The following ASPH variants were observed in gnomAD, a reference collection of about 807,000 sequenced individuals.
ASPH encodes the protein aspartyl/asparaginyl beta-hydroxylase.
ASPH carries 100 observed loss-of-function variants against 118.4 expected under a neutral mutation model. The ratio of observed to expected loss-of-function variants is 0.84; its 90% CI spans 0.72 to 1.00. The LOEUF is 1.00. Among genes scored for constraint, ASPH ranks in the 50% least tolerant of loss-of-function variants. The probability of loss-of-function intolerance (pLI) is 0.00; values close to 1 mark genes in which losing one functional copy is unlikely to be tolerated. For synonymous variants in ASPH, 315 were observed against 325.6 expected, an observed-to-expected ratio of 0.97 and a Z score of 0.35; for missense variants, 920 against 919.5, an observed-to-expected ratio of 1.00 and a Z score of -0.01.
chr8:61,652,787 T>C (rs1032408515), intron 4 of ASPH, among the ~76,000 whole-genome samples: 2 of 152,130 alleles, frequency 1.3e-5, no homozygotes, highest in African/African-American at 2.4e-5. Flanking sequence ...AGAGAATACA[T>C]TGTCCTAGGA....
chr8:61,626,277 G>T, intron 13 of ASPH: 1 of 1,565,008 alleles, frequency 6.4e-7, no homozygotes, highest in Non-Finnish European at 8.6e-7. Context: ...GAAGCTTTAA[G>T]TATCTGCAAA....
At chr8:61,528,322 T>C (rs1268702446) in intron 21 of ASPH, among the ~76,000 whole-genome samples, 3 of 152,212 alleles carry the variant, frequency 2.0e-5, no homozygotes, top group Non-Finnish European at 4.4e-5. Flanking sequence ...ACCCTAGGAT[T>C]TCGCTGTATG....
chr8:61,703,220 C>T (rs2151879750), intron 1 of ASPH, among the ~76,000 whole-genome samples: 1 of 152,222 alleles, frequency 6.6e-6, no homozygotes, highest in South Asian at 2.1e-4. Flanking sequence ...AATACTTTGC[C>T]ACTAAAATCA....
chr8:61,501,822 T>C lies in ASPH; in HGVS notation c.*1537A>G, dbSNP rs1309045262. 1 of 152,184 alleles carries C rather than the reference T, an allele frequency of 6.6e-6. No homozygotes were observed. Among genetic ancestry groups the C allele is most frequent in the Non-Finnish European group, 1.5e-5 (1 of 68,028 alleles). 9.4% of individuals were successfully genotyped at this position (152,184 alleles called of 1,614,324 possible). A position where few individuals can be genotyped will look rare whatever the true frequency, so the allele number is the denominator to read the frequency against. On this transcript the variant is annotated 3_prime_UTR_variant, in exon 25 of 25. Coordinates refer to ENST00000379454, the MANE Select transcript of ASPH (RefSeq NM_004318.4). Reference sequence around the variant, plus strand: ...TTAAGGTCAAGCAAAAAGGGTCAATTTCAATTTCAAAGAGCTGTTCTTTAA... The same window carrying C: ...TTAAGGTCAAGCAAAAAGGGTCAATCTCAATTTCAAAGAGCTGTTCTTTAA...
intron 3 of ASPH, chr8:61,664,944 G>A (rs149907896): frequency 5.5e-5 from 60 of 1,089,234 alleles, no homozygotes; most frequent in East Asian, 1.1e-4. Flanking sequence ...CTTATTTAAC[G>A]TCAATGAAAG....
At chr8:61,650,960 C>G in intron 5 of ASPH, 90 bp downstream of exon 5, 1 of 1,345,590 alleles carries the variant, frequency 7.4e-7, no homozygotes, top group Non-Finnish European at 1.0e-6. Flanking sequence ...CCCAATTAAC[C>G]TTTAAATTTT....
intron 24 of ASPH, among the ~76,000 whole-genome samples, chr8:61,506,333 G>T (rs1379020993): frequency 6.6e-6 from 1 of 152,144 alleles, no homozygotes; most frequent in African/African-American, 2.4e-5. Flanking sequence ...GGGAGGACGG[G>T]AATGGGAGTT....
chr8:61,624,956 G>A, intron 13 of ASPH: 1 of 984,786 alleles, frequency 1.0e-6, no homozygotes, highest in Non-Finnish European at 1.2e-6. Context: ...ACCCATGCAG[G>A]ACTCACTACA....
At chr8:61,536,063 A>G (rs1333891141) in intron 21 of ASPH, among the ~76,000 whole-genome samples, 1 of 148,124 alleles carries the variant, frequency 6.8e-6, no homozygotes, top group East Asian at 2.0e-4. Flanking sequence ...TTTTGAGACA[A>G]GAGTCTCACT....
chr8:61,689,557 G>C (rs1352930029), intron 1 of ASPH: 1 of 967,322 alleles, frequency 1.0e-6, no homozygotes, highest in Non-Finnish European at 1.5e-6. Context: ...AGAAAATGTA[G>C]ACAGTACAGT....
intron 16 of ASPH, among the ~76,000 whole-genome samples, chr8:61,572,702 T>C (rs948234500): frequency 6.6e-6 from 1 of 152,128 alleles, no homozygotes; most frequent in African/African-American, 2.4e-5. Context: ...TTGTGTACAC[T>C]TGCAATAGCC....
chr8:61,698,389 C>T (rs1384882263), intron 1 of ASPH, among the ~76,000 whole-genome samples: 1 of 152,214 alleles, frequency 6.6e-6, no homozygotes, highest in African/African-American at 2.4e-5. Context: ...TATGGAAAAG[C>T]CTTTAGGCTG....
chr8:61,547,188 T>C (rs570194801), intron 21 of ASPH, among the ~76,000 whole-genome samples: 9 of 152,336 alleles, frequency 5.9e-5, no homozygotes, highest in African/African-American at 1.9e-4. Context: ...TTCTGACCAG[T>C]CCCTACCAAA....
At chr8:61,688,404 G>C (rs573880174) in intron 1 of ASPH, among the ~76,000 whole-genome samples, 1 of 152,188 alleles carries the variant, frequency 6.6e-6, no homozygotes, top group Admixed American at 6.5e-5. Flanking sequence ...AATTACTATG[G>C]CAAGCAACAG....
At chr8:61,580,268 G>T (rs1396623052) in intron 15 of ASPH, among the ~76,000 whole-genome samples, 2 of 152,228 alleles carry the variant, frequency 1.3e-5, no homozygotes, top group African/African-American at 4.8e-5. Context: ...CAGTGCCCCA[G>T]TGGGGACTCT....
At chr8:61,549,480 T>C (rs1825102013) in intron 20 of ASPH, among the ~76,000 whole-genome samples, 1 of 152,226 alleles carries the variant, frequency 6.6e-6, no homozygotes, top group Admixed American at 6.5e-5. Flanking sequence ...ATGATTTTCT[T>C]ATTTAGTTAT....
intron 1 of ASPH, among the ~76,000 whole-genome samples, chr8:61,701,283 G>C (rs959800283): frequency 5.3e-5 from 8 of 152,234 alleles, no homozygotes; most frequent in African/African-American, 1.9e-4. Flanking sequence ...GCAGGAAGGT[G>C]TTGAACATAC....
At chr8:61,683,819 A>G in intron 2 of ASPH, 1 of 451,588 alleles carries the variant, frequency 2.2e-6, no homozygotes, top group South Asian at 6.3e-5. Context: ...CATACAATAT[A>G]AAGCCTTTTT....
chr8:61,610,456 A>T (rs781291875), intron 14 of ASPH, among the ~76,000 whole-genome samples: 9 of 152,228 alleles, frequency 5.9e-5, no homozygotes, highest in Non-Finnish European at 1.2e-4. Flanking sequence ...TCTCTAAATC[A>T]GACTTGTATG....
Sources: gnomAD v4.1 joint callset for allele counts (sites outside exome capture counted in the v4.1 genomes callset) on GRCh38, gnomAD v4.1.1 for gene constraint, MANE v1.5 for transcripts, NCBI Gene and HGNC (gene_info 2026-07-23, HGNC 2026-07-21) for gene names.